The following NDUFV1 variants were observed in gnomAD, a reference collection of about 807,000 sequenced individuals.
NDUFV1 encodes the protein NADH:ubiquinone oxidoreductase core subunit V1.
Under a neutral mutation model 48.7 loss-of-function variants are expected in NDUFV1, and 41 were observed. The ratio of observed to expected loss-of-function variants is 0.84; its 90% CI spans 0.66 to 1.09. NDUFV1 has a LOEUF of 1.09. Among genes scored for constraint, NDUFV1 ranks in the 50% least tolerant of loss-of-function variants. The pLI is 0.00. For synonymous variants in NDUFV1, 231 were observed against 259.1 expected, an observed-to-expected ratio of 0.89 and a Z score of 1.04; for missense variants, 580 against 645.4, an observed-to-expected ratio of 0.90 and a Z score of 1.10.
intron 4 of NDUFV1, 74 bp from the exon 5 acceptor site, chr11:67,610,307 T>G (rs1854886934): frequency 1.3e-6 from 2 of 1,578,458 alleles, no homozygotes; most frequent in Non-Finnish European, 1.7e-6. Flanking sequence ...CTTCAAGGGC[T>G]TCATGACTCC....
intron 1 of NDUFV1, 192 bp downstream of exon 1, chr11:67,607,268 C>T: frequency 2.7e-6 from 2 of 727,444 alleles, no homozygotes; most frequent in Non-Finnish European, 4.9e-6. Flanking sequence ...TCCCTTGACC[C>T]TCTGACTTGC....
Position 67,611,402 on chromosome 11 carries a change from G to C in NDUFV1, c.914-1G>C, listed in dbSNP as rs748954765. The C allele has an allele frequency of 3.1e-6, 5 of 1,613,388 alleles. No individual in the cohort carries two copies. Among genetic ancestry groups the C allele is most frequent in the South Asian group, 2.2e-5 (2 of 91,016 alleles). Reference sequence around the variant, plus strand: ...CTTTGGGGACCGACTTGGGGCCCCAGGGGGTGTCACGGGCGGCTGGGACAA... The same window carrying C: ...CTTTGGGGACCGACTTGGGGCCCCACGGGGTGTCACGGGCGGCTGGGACAA... On this transcript the variant is annotated splice_acceptor_variant, in intron 6 of 9. Coordinates refer to ENST00000322776, the MANE Select transcript of NDUFV1 (RefSeq NM_007103.4). LOFTEE classifies it high-confidence loss of function. This position sits in a 1 kb window ranked among gnomAD's most constrained non-coding sequence, Gnocchi z 4.2.
Position 67,609,392 on chromosome 11 carries a change from T to G in NDUFV1, c.327-60T>G, listed in dbSNP as rs3741165. ...CCTCCCTGGGTGGAGTGGGGTGGCA[T>G]GGAGTTGAAGACCCAGTCCTGATGG... On this transcript the variant is annotated intron_variant, in intron 3 of 9. Coordinates refer to ENST00000322776, the MANE Select transcript of NDUFV1 (RefSeq NM_007103.4). The G allele has an allele frequency of 2.6e-6, 4 of 1,564,274 alleles. No individual in the cohort carries two copies. The East Asian group carries it at 9.0e-5, about 35-fold the overall frequency.
rs780851340 is a variant in NDUFV1 at position 67,608,616 on chromosome 11, G to A, written c.220G>A (p.Asp74Asn). The A allele has an allele frequency of 2.3e-5, 37 of 1,614,062 alleles. No individual in the cohort carries two copies. Among genetic ancestry groups the A allele is most frequent in the Middle Eastern group, 1.6e-4 (1 of 6,084 alleles). The change falls in exon 3 of 10, where the codon GAC becomes AAC. Residue 74 changes from aspartate (D) to asparagine (N), a missense_variant. Transcript: ENST00000322776. ...AAAGGAGATCCTGCTGAAGGGGCCC[G>A]ACTGGATCCTGGGCGAGATCAAGAC... Reference protein sequence around the residue: ...KTKEILLKGPDWILGEIKTSG... With the variant: ...KTKEILLKGPNWILGEIKTSG...
rs771496807 is a variant in NDUFV1, at chr11:67,612,163, G to T, written c.1206G>T (p.Gly402=). The change falls in exon 9 of 10, where the codon GGG becomes GGT. Residue 402 remains glycine, a synonymous_variant. Transcript: ENST00000322776. This position sits in a 1 kb window ranked among gnomAD's most constrained non-coding sequence, Gnocchi z 4.4. ...AGGTGATGGCACGTTTCGTGAGGGG[G>T]GATGCCCGGCCGGCCGAGATCGACT... ...MNKVMARFVR[G]DARPAEIDSL... The T allele has an allele frequency of 8.1e-6, 13 of 1,613,298 alleles. No individual in the cohort carries two copies. The highest frequency in any genetic ancestry group is 3.3e-5 in the Admixed American group (2 of 59,948).
intron 1 of NDUFV1, 190 bp from the exon 2 acceptor site, chr11:67,608,203 GCAA>G: frequency 3.2e-6 from 2 of 615,620 alleles, no homozygotes; most frequent in South Asian, 3.8e-5. Flanking sequence ...TCCAGCCTAG[GCAA>G]AAGAGCAAGA....
Position 67,612,273 on chromosome 11 carries a change from C to T in NDUFV1, c.1308+8C>T. On this transcript the variant is annotated splice_region_variant and intron_variant, in intron 9 of 9. Transcript: ENST00000322776. The surrounding 1 kb of genome is among the most constrained non-coding windows in gnomAD (Gnocchi z 4.4). ...GCCGCCTGGCCTGTGCAGGTATTCA[C>T]CACCCTTCTGCGTAGCACGGAGGGT... 1 of 1,613,928 alleles carries T rather than the reference C, an allele frequency of 6.2e-7. No homozygotes were observed. Among genetic ancestry groups the T allele is most frequent in the East Asian group, 2.2e-5 (1 of 44,804 alleles).
Position 67,608,562 on chromosome 11 carries a change from T to C in NDUFV1, c.166T>C (p.Ser56Pro), listed in dbSNP as rs201727685. 1.6e-4 allele frequency: 261 copies of C among 1,614,048 alleles called. No individual in the cohort carries two copies. The highest frequency in any genetic ancestry group is 2.1e-4 in the Non-Finnish European group (250 of 1,180,034). Residue 56 changes from serine to proline, a missense_variant, in exon 3 of 10, where the codon TCC becomes CCC. Ser to Pro is a moderately conservative substitution (Grantham distance 74, BLOSUM62 -1). Coordinates refer to ENST00000322776, the MANE Select transcript of NDUFV1 (RefSeq NM_007103.4). ...CCCTATTCTGTCCAGGCTGAAAGGT[T>C]CCCTGAGTCGAGGTGACTGGTACAA... Reference protein sequence around the residue: ...YGRHDWRLKGSLSRGDWYKTK... With the variant: ...YGRHDWRLKGPLSRGDWYKTK...
Position 67,608,485 on chromosome 11 carries a change from C to T in NDUFV1, c.155+7C>T, listed in dbSNP as rs1591109110. On this transcript the variant is annotated splice_region_variant and intron_variant, in intron 2 of 9. Transcript: ENST00000322776. ...ACGGCCGCCATGACTGGAGGTGAGA[C>T]AGTGCCCTTAGTGTGTTGGGTCCCG... 3 of 1,614,056 alleles carry T rather than the reference C, an allele frequency of 1.9e-6. No homozygotes were observed. Among genetic ancestry groups the T allele is most frequent in the Middle Eastern group, 1.6e-4 (1 of 6,084 alleles).
rs1368829283 is a variant in NDUFV1, at chr11:67,608,818, A to C, written c.326+96A>C. 3.9e-6 allele frequency: 6 copies of C among 1,547,856 alleles called. No individual in the cohort carries two copies. In the East Asian group the frequency reaches 1.4e-4, roughly 35 times the overall value. On this transcript the variant is annotated intron_variant, in intron 3 of 9. Coordinates refer to ENST00000322776, the MANE Select transcript of NDUFV1 (RefSeq NM_007103.4). ...CTTTGGGCTCTTTCCTTAGAAACTT[A>C]GCATGAATGAGGTGGGCACATGTTC...
rs1187885727 is a variant in NDUFV1, at chr11:67,610,458, T to C, written c.588T>C (p.Phe196=). 1 of 1,614,140 alleles carries C rather than the reference T, an allele frequency of 6.2e-7. No homozygotes were observed. ...ACGSGYDFDV[F]VVRGAGAYIC... ...GCTCTGGCTATGATTTTGACGTGTT[T>C]GTGGTGCGCGGGGCTGGGGCCTACA... The change falls in exon 5 of 10, where the codon TTT becomes TTC. Residue 196 remains phenylalanine, a synonymous_variant. Transcript: ENST00000322776.
At position 67,611,492 on chromosome 11, in the gene NDUFV1, G is replaced by C. The variant is rs776659620; in HGVS notation, c.1003G>C (p.Val335Leu). The C allele has an allele frequency of 2.5e-6, 4 of 1,614,016 alleles. No homozygotes were observed. The Admixed American group carries it at 6.7e-5, about 27-fold the overall frequency. The change falls in exon 7 of 10, where the codon GTG (valine) becomes CTG (leucine). Residue 335 changes from valine (V) to leucine (L), a missense_variant. By Grantham distance (32) the Val-to-Leu change is conservative. Coordinates refer to ENST00000322776, the MANE Select transcript of NDUFV1 (RefSeq NM_007103.4). This position sits in a 1 kb window ranked among gnomAD's most constrained non-coding sequence, Gnocchi z 4.2. Reference protein sequence around the residue: ...PLIPKSVCETVLMDFDALVQA... With the variant: ...PLIPKSVCETLLMDFDALVQA... ...GATCCCCAAGTCTGTGTGTGAGACG[G>C]TGCTGATGGACTTCGATGCGCTGGT...
Position 67,611,934 on chromosome 11 carries a change from T to C in NDUFV1, c.1118T>C (p.Phe373Ser), listed in dbSNP as rs1135402749. 1 of 1,613,940 alleles carries C rather than the reference T, an allele frequency of 6.2e-7. No homozygotes were observed. The highest frequency in any genetic ancestry group is 1.1e-5 in the South Asian group (1 of 91,070). ...IVKAIARLIE[F>S]YKHESCGQCT... is the part of the protein sequence containing the mutation. ...AAAGCCATCGCCCGCCTCATTGAGT[T>C]CTATAAGCACGAGAGCTGTGGCCAG... Residue 373 changes from phenylalanine (F) to serine (S), a missense_variant, in exon 8 of 10, where the codon TTC becomes TCC. By Grantham distance (155) the Phe-to-Ser change is radical (BLOSUM62 -2). Transcript: ENST00000322776. The surrounding 1 kb of genome is among the most constrained non-coding windows in gnomAD (Gnocchi z 4.2).
chr11:67,612,475 G>C lies in NDUFV1; in HGVS notation c.*17G>C. 6.2e-7 allele frequency: 1 copy of C among 1,607,714 alleles called. No homozygotes were observed. Among genetic ancestry groups the C allele is most frequent in the Non-Finnish European group, 8.5e-7 (1 of 1,177,886 alleles). Reference sequence around the variant, plus strand: ...GCCTCTTAGCCCACCACCCTGGCCTGCTGTCCTGCGTCTATCCATGTGGAA... The same window carrying C: ...GCCTCTTAGCCCACCACCCTGGCCTCCTGTCCTGCGTCTATCCATGTGGAA... On this transcript the variant is annotated 3_prime_UTR_variant, in exon 10 of 10. Coordinates refer to ENST00000322776, the MANE Select transcript of NDUFV1 (RefSeq NM_007103.4). This position sits in a 1 kb window ranked among gnomAD's most constrained non-coding sequence, Gnocchi z 4.4.
At chr11:67,610,716 C>T in intron 5 of NDUFV1, 146 bp downstream of exon 5, 1 of 1,146,382 alleles carries the variant, frequency 8.7e-7, no homozygotes, top group Non-Finnish European at 1.3e-6. Context: ...CACACAGGCT[C>T]CCCCAGGGCC....
In NDUFV1 at chr11:67,612,046, C is replaced by T. The variant is rs1028781825; in HGVS notation, c.1162+68C>T. The T allele has an allele frequency of 6.2e-7, 1 of 1,613,632 alleles. No individual in the cohort carries two copies. Among genetic ancestry groups the T allele is most frequent in the Non-Finnish European group, 8.5e-7 (1 of 1,179,924 alleles). On this transcript the variant is annotated intron_variant, in intron 8 of 9. Transcript: ENST00000322776. The surrounding 1 kb of genome is among the most constrained non-coding windows in gnomAD (Gnocchi z 4.4). ...TTTAACCTCCTCCCCACCACGTGGC[C>T]TGCAGCCCTCAAGCGCCGCCCCACA... is the stretch of plus-strand genomic sequence containing the variant.
intron 5 of NDUFV1, 102 bp from the exon 6 acceptor site, chr11:67,610,893 C>A: frequency 8.9e-7 from 1 of 1,126,306 alleles, no homozygotes; most frequent in Non-Finnish European, 1.3e-6. Flanking sequence ...GATATTAGAG[C>A]AGGGGCTCTG....
chr11:67,607,277 G>T (rs1384701183), intron 1 of NDUFV1: 8 of 716,974 alleles, frequency 1.1e-5, no homozygotes, highest in Non-Finnish European at 1.7e-5. Context: ...CCTCTGACTT[G>T]CTGGCTTCCC....
chr11:67,611,987 C>G lies in NDUFV1; in HGVS notation c.1162+9C>G. Reference sequence around the variant, plus strand: ...TACCCCATGCCGTGAGGGTGAGCATCGGGCAGGTTGGGGGCTTGCTTGCTG... The same window carrying G: ...TACCCCATGCCGTGAGGGTGAGCATGGGGCAGGTTGGGGGCTTGCTTGCTG... On this transcript the variant is annotated intron_variant, in intron 8 of 9. Coordinates refer to ENST00000322776, the MANE Select transcript of NDUFV1 (RefSeq NM_007103.4). The surrounding 1 kb of genome is among the most constrained non-coding windows in gnomAD (Gnocchi z 4.2). 6.2e-7 allele frequency: 1 copy of G among 1,613,856 alleles called. No homozygotes were observed.
Sources: gnomAD v4.1 joint callset for allele counts on GRCh38, gnomAD v4.1.1 for gene constraint, Gnocchi (gnomAD v3.1) non-coding constraint, MANE v1.5 for transcripts, NCBI Gene and HGNC (gene_info 2026-07-23, HGNC 2026-07-21) for gene names.